Variants in SLC35D4 observed in about 807,000 individuals in gnomAD.
SLC35D4 encodes the protein solute carrier family 35 member D4.
chr18:23,400,107 G>A, the SLC35D4 span, among the ~76,000 whole-genome samples: 29 of 152,308 alleles, frequency 1.9e-4, no homozygotes, highest in African/African-American at 6.5e-4. Flanking sequence ...AAGAATCCCA[G>A]AACTTCAGTT....
chr18:23,356,215 C>T, the SLC35D4 span, among the ~76,000 whole-genome samples: 3 of 152,142 alleles, frequency 2.0e-5, no homozygotes, highest in Non-Finnish European at 1.5e-5. The surrounding 1 kb of genome is among the most constrained non-coding windows in gnomAD (Gnocchi z 4.1). Flanking sequence ...GAAAGCTGAG[C>T]GGGTGGGATT....
the SLC35D4 span, among the ~76,000 whole-genome samples, chr18:23,285,940 T>C: frequency 6.6e-6 from 1 of 152,058 alleles, no homozygotes; most frequent in Admixed American, 6.5e-5. Flanking sequence ...CTCTTTTTCA[T>C]CAAATATAAA....
the SLC35D4 span, among the ~76,000 whole-genome samples, chr18:23,274,857 C>A: frequency 1.3e-5 from 2 of 152,230 alleles, no homozygotes; most frequent in South Asian, 2.1e-4. Context: ...GCAGTCCCAT[C>A]GCCTCAGGCC....
At chr18:23,426,563 A>G in the SLC35D4 span, among the ~76,000 whole-genome samples, 1 of 152,236 alleles carries the variant, frequency 6.6e-6, no homozygotes, top group Non-Finnish European at 1.5e-5. Context: ...GGATAGGAAG[A>G]ATCAATGTCG....
the SLC35D4 span, among the ~76,000 whole-genome samples, chr18:23,327,787 T>C: frequency 6.6e-6 from 1 of 152,042 alleles, no homozygotes; most frequent in Non-Finnish European, 1.5e-5. Context: ...CTGATGAACA[T>C]CAATGCAAAA....
chr18:23,298,339 T>G, the SLC35D4 span, among the ~76,000 whole-genome samples: 6 of 152,060 alleles, frequency 3.9e-5, no homozygotes, highest in African/African-American at 1.4e-4. Context: ...CCTGACCAGG[T>G]GAGGATGATG....
chr18:23,418,349 A>AATTATTATTATTATTATTATT, the SLC35D4 span, among the ~76,000 whole-genome samples: 13 of 142,584 alleles, frequency 9.1e-5, no homozygotes, highest in African/African-American at 3.3e-4. Context: ...GAGAAGCCAA[A>AATTATTATTATTATTATTATT]ATTATTATTA....
chr18:23,379,692 G>A, the SLC35D4 span, among the ~76,000 whole-genome samples: 1 of 152,190 alleles, frequency 6.6e-6, no homozygotes, highest in African/African-American at 2.4e-5. Flanking sequence ...ATATGACTGA[G>A]TTCATGGCAG....
chr18:23,270,829 C>G, the SLC35D4 span, among the ~76,000 whole-genome samples: 1 of 152,328 alleles, frequency 6.6e-6, no homozygotes, highest in East Asian at 1.9e-4. Context: ...GCAAGATGAA[C>G]GCACTGGACA....
At chr18:23,244,714 A>T in the SLC35D4 span, among the ~76,000 whole-genome samples, 7 of 152,364 alleles carry the variant, frequency 4.6e-5, no homozygotes, top group East Asian at 1.2e-3. Flanking sequence ...TGTGTGGCTC[A>T]TTGCCTTGTA....
chr18:23,372,498 A>G, the SLC35D4 span, among the ~76,000 whole-genome samples: 2 of 152,202 alleles, frequency 1.3e-5, no homozygotes, highest in Non-Finnish European at 2.9e-5. Context: ...TAAAATCCCC[A>G]CTTATTTGTT....
chr18:23,385,890 G>A, the SLC35D4 span, among the ~76,000 whole-genome samples: 1 of 152,102 alleles, frequency 6.6e-6, no homozygotes, highest in Non-Finnish European at 1.5e-5. Context: ...CCAGCACTTT[G>A]GGAGGCCGAG....
chr18:23,254,756 C>G, the SLC35D4 span, among the ~76,000 whole-genome samples: 1 of 152,166 alleles, frequency 6.6e-6, no homozygotes, highest in Non-Finnish European at 1.5e-5. Flanking sequence ...GTTTCTTCTT[C>G]TAAGGCTCTG....
the SLC35D4 span, among the ~76,000 whole-genome samples, chr18:23,435,578 GT>G: frequency 6.6e-6 from 1 of 152,220 alleles, no homozygotes; most frequent in Non-Finnish European, 1.5e-5. Flanking sequence ...TCTGTTAAAA[GT>G]TACTAATTAC....
At chr18:23,408,322 G>A in the SLC35D4 span, among the ~76,000 whole-genome samples, 1 of 152,124 alleles carries the variant, frequency 6.6e-6, no homozygotes, top group Non-Finnish European at 1.5e-5. Context: ...TTTGCTCCCT[G>A]CACATCTCCA....
the SLC35D4 span, among the ~76,000 whole-genome samples, chr18:23,327,319 G>A: frequency 6.6e-6 from 1 of 151,970 alleles, no homozygotes; most frequent in Non-Finnish European, 1.5e-5. Context: ...TAATAAAGAA[G>A]AAAAGAGAGA....
chr18:23,430,490 G>T, the SLC35D4 span: 1 of 607,654 alleles, frequency 1.6e-6, no homozygotes, highest in Non-Finnish European at 2.8e-6. Flanking sequence ...GAACATAAAT[G>T]TCTGTTAATA....
At chr18:23,339,627 A>G in the SLC35D4 span, among the ~76,000 whole-genome samples, 3 of 152,326 alleles carry the variant, frequency 2.0e-5, no homozygotes, top group East Asian at 5.8e-4. Context: ...CTGGGCTGCT[A>G]TAACAAAATT....
the SLC35D4 span, among the ~76,000 whole-genome samples, chr18:23,393,220 TA>T: frequency 1.3e-5 from 2 of 151,944 alleles, no homozygotes; most frequent in African/African-American, 4.8e-5. Context: ...TGGCCTAGAT[TA>T]TTTTTTTTTT....
Sources: allele counts gnomAD v4.1 joint callset (sites outside exome capture counted in the v4.1 genomes callset), GRCh38; gene constraint gnomAD v4.1.1; non-coding constraint Gnocchi (gnomAD v3.1); transcripts MANE v1.5; gene names NCBI Gene and HGNC (gene_info 2026-07-23, HGNC 2026-07-21).